TMEM135: variants seen among roughly 807,000 people sequenced by gnomAD.
The protein encoded by TMEM135 is peroxisomal membrane protein 52.
TMEM135 carries 30 observed loss-of-function variants against 60.3 expected under a neutral mutation model. The ratio of observed to expected loss-of-function variants is 0.50; its 90% CI spans 0.37 to 0.68. TMEM135 has a LOEUF of 0.68. Ranked by LOEUF, TMEM135 falls within the 30% of genes least tolerant of loss-of-function variation. TMEM135 has a pLI of 0.00. For missense variants in TMEM135, 468 were observed against 548.8 expected (o/e 0.85, Z 1.47); for synonymous variants, 190 against 186.7 (o/e 1.02, Z -0.14).
chr11:87,319,458 G>A, intron 14 of TMEM135, 81 bp downstream of exon 14: 1 of 1,003,588 alleles, frequency 1.0e-6, no homozygotes, highest in Non-Finnish European at 1.5e-6. Flanking sequence ...TGGTAAAGTA[G>A]GTATTTATAT....
intron 5 of TMEM135, among the ~76,000 whole-genome samples, chr11:87,180,354 T>A (rs931432740): frequency 6.6e-6 from 1 of 152,086 alleles, no homozygotes; most frequent in Non-Finnish European, 1.5e-5. Flanking sequence ...TTTGCTTTTT[T>A]CCCCCCTTTC....
chr11:87,248,013 G>T (rs1263111306), intron 6 of TMEM135, among the ~76,000 whole-genome samples: 2 of 96,840 alleles, frequency 2.1e-5, no homozygotes, highest in African/African-American at 8.0e-5. Flanking sequence ...CAGCTTGATA[G>T]CCTTTTTAAA....
At chr11:87,092,124 G>C (rs1418687598) in intron 4 of TMEM135, among the ~76,000 whole-genome samples, 3 of 152,010 alleles carry the variant, frequency 2.0e-5, no homozygotes, top group Non-Finnish European at 2.9e-5. Context: ...GTTACATTTA[G>C]CAATTCATTT....
In TMEM135 at chr11:87,264,783, T is replaced by G. The variant is rs545877549; in HGVS notation, c.509+28099T>G. On this transcript the variant is annotated intron_variant, in intron 6 of 14. Transcript: ENST00000305494. ...CAAAAAAATCTTAAACTTTATTCTT[T>G]GTTTATTAGCTTTAAGGGCATTATC... Among the ~76,000 whole-genome samples the G allele has an allele frequency of 5.2e-4, 79 of 152,036 alleles. 2 individuals carry two copies. In the South Asian group the frequency reaches 0.016, roughly 31 times the overall value.
chr11:87,248,293 G>C lies in TMEM135; in HGVS notation c.509+11609G>C, dbSNP rs575480469. On this transcript the variant is annotated intron_variant, in intron 6 of 14. Transcript: ENST00000305494. ...AACCTCTAAACTGTTCTCCATAGTG[G>C]TTGTACTAATTTACATTGCCACCAA... Among the ~76,000 whole-genome samples the C allele has an allele frequency of 1.4e-3, 217 of 152,258 alleles. 1 individual carries two copies. The highest frequency in any genetic ancestry group is 5.1e-3 in the African/African-American group (210 of 41,560).
intron 6 of TMEM135, among the ~76,000 whole-genome samples, chr11:87,249,503 G>C (rs1474814329): frequency 4.0e-5 from 6 of 151,738 alleles, no homozygotes; most frequent in Non-Finnish European, 7.4e-5. Flanking sequence ...GCTAATTTTG[G>C]GCTTGCTTTG....
chr11:87,111,666 A>AAAAAAGAAAAAG lies in TMEM135; in HGVS notation c.396+20275_396+20286dup, dbSNP rs1555105255. On this transcript the variant is annotated intron_variant, in intron 4 of 14. Transcript: ENST00000305494. The stretch of plus-strand genomic sequence containing the variant: ...ACTCCGTCTCAAAAAAAAAAAAAAA[A>AAAAAAGAAAAAG]AAAAAGAAAAAGAAATTTCCTGCAT... Among the ~76,000 whole-genome samples, 230 of 130,886 alleles carry AAAAAAGAAAAAG rather than the reference A, an allele frequency of 1.8e-3. 10 individuals carry two copies. The highest frequency in any genetic ancestry group is 1.9e-3 in the African/African-American group (65 of 34,376). The allele number at this position is 130,886 out of a possible 152,430, so 85.9% of individuals were successfully genotyped here.
chr11:87,090,152 C>G (rs931112501), intron 3 of TMEM135, among the ~76,000 whole-genome samples: 3 of 152,028 alleles, frequency 2.0e-5, no homozygotes, highest in African/African-American at 7.2e-5. Flanking sequence ...ATATCCCCTT[C>G]CCCTTTTAAC....
intron 6 of TMEM135, among the ~76,000 whole-genome samples, chr11:87,287,499 A>G (rs1942188144): frequency 6.6e-6 from 1 of 152,168 alleles, no homozygotes; most frequent in South Asian, 2.1e-4. Flanking sequence ...CAACATGGTG[A>G]AACCCCGTCT....
At chr11:87,308,689 A>G (rs1942591973) in intron 9 of TMEM135, among the ~76,000 whole-genome samples, 1 of 152,136 alleles carries the variant, frequency 6.6e-6, no homozygotes, top group South Asian at 2.1e-4. Context: ...TTAATGTTTT[A>G]TGCTGATTGA....
At chr11:87,194,257 C>T (rs904526504) in intron 5 of TMEM135, among the ~76,000 whole-genome samples, 3 of 152,148 alleles carry the variant, frequency 2.0e-5, no homozygotes, top group Non-Finnish European at 2.9e-5. Context: ...GTTTCTTGCA[C>T]GTATTCTTAA....
chr11:87,252,282 A>G (rs1437058287), intron 6 of TMEM135, among the ~76,000 whole-genome samples: 1 of 152,072 alleles, frequency 6.6e-6, no homozygotes, highest in Non-Finnish European at 1.5e-5. Flanking sequence ...CCATAATGTC[A>G]ACATTTAGGG....
At chr11:87,231,122 C>T (rs936479884) in intron 5 of TMEM135, among the ~76,000 whole-genome samples, 8 of 152,032 alleles carry the variant, frequency 5.3e-5, no homozygotes, top group African/African-American at 1.2e-4. Flanking sequence ...ATCAAAGAGG[C>T]GTCACTCAGA....
chr11:87,156,994 T>G (rs1341208996), intron 4 of TMEM135, among the ~76,000 whole-genome samples: 2 of 152,138 alleles, frequency 1.3e-5, no homozygotes, highest in African/African-American at 2.4e-5. Context: ...TGGGGTACAA[T>G]TTATAACTTC....
intron 2 of TMEM135, among the ~76,000 whole-genome samples, chr11:87,068,673 TGGTGGTG>T (rs1382078850): frequency 6.6e-6 from 1 of 151,122 alleles, no homozygotes; most frequent in Non-Finnish European, 1.5e-5. Flanking sequence ...TAGCCGGGCG[TGGTGGTG>T]GGCGCCTGTA....
At chr11:87,189,121 C>CCCTTTCCCTTTT (rs969239839) in intron 5 of TMEM135, among the ~76,000 whole-genome samples, 30 of 151,088 alleles carry the variant, frequency 2.0e-4, no homozygotes, top group South Asian at 4.2e-4. Context: ...CTTTTCCTTT[C>CCCTTTCCCTTTT]CCTTTCCCTT....
intron 6 of TMEM135, among the ~76,000 whole-genome samples, chr11:87,238,620 A>AGAAGTGGGTT (rs1368215795): frequency 6.6e-6 from 1 of 152,042 alleles, no homozygotes; most frequent in Middle Eastern, 3.2e-3. Flanking sequence ...TTAATAATTT[A>AGAAGTGGGTT]GAAGTGGGTT....
chr11:87,105,439 C>G (rs540358846), intron 4 of TMEM135, among the ~76,000 whole-genome samples: 1 of 152,144 alleles, frequency 6.6e-6, no homozygotes, highest in African/African-American at 2.4e-5. Context: ...CCAACTCCCA[C>G]GGACCCACCC....
intron 5 of TMEM135, among the ~76,000 whole-genome samples, chr11:87,196,990 A>T (rs536978250): frequency 1.7e-4 from 26 of 152,236 alleles, no homozygotes; most frequent in African/African-American, 6.3e-4. Flanking sequence ...TACTGATGAA[A>T]CATAGTTACA....
Sources: gnomAD v4.1 joint callset for allele counts (sites outside exome capture counted in the v4.1 genomes callset) on GRCh38, gnomAD v4.1.1 for gene constraint, MANE v1.5 for transcripts, NCBI Gene and HGNC (gene_info 2026-07-23, HGNC 2026-07-21) for gene names.